ZNF423: variants seen among roughly 807,000 people sequenced by gnomAD.
ZNF423 encodes the protein Ebf-associated zinc finger protein.
ZNF423 carries 12 observed loss-of-function variants against 95.8 expected under a neutral mutation model. The ratio of observed to expected loss-of-function variants is 0.13; its 90% CI spans 0.08 to 0.20. The LOEUF is 0.20. ZNF423 is among the 10% of genes least tolerant of loss of function. ZNF423 has a pLI of 1.00. For missense variants in ZNF423, 1,316 were observed against 1,737.1 expected (o/e 0.76, Z 4.31); for synonymous variants, 749 against 711.9 (o/e 1.05, Z -0.83).
intron 3 of ZNF423, among the ~76,000 whole-genome samples, chr16:49,700,608 G>A (rs925591017): frequency 6.6e-6 from 1 of 152,262 alleles, no homozygotes; most frequent in Non-Finnish European, 1.5e-5. Context: ...GGGAGGGGAA[G>A]CAATGCTCAG....
intron 3 of ZNF423, among the ~76,000 whole-genome samples, chr16:49,660,834 G>A (rs558381396): frequency 9.9e-5 from 15 of 151,654 alleles, no homozygotes; most frequent in Admixed American, 2.6e-4. Flanking sequence ...GGCAGGGTGT[G>A]GGGGGATGGG....
At chr16:49,533,242 A>G (rs976691102) in intron 5 of ZNF423, among the ~76,000 whole-genome samples, 5 of 152,172 alleles carry the variant, frequency 3.3e-5, no homozygotes, top group Admixed American at 2.6e-4. Context: ...GCCAGGTGGA[A>G]GTTCATCACT....
chr16:49,608,294 C>T (rs1012383186), intron 5 of ZNF423, among the ~76,000 whole-genome samples: 1 of 152,092 alleles, frequency 6.6e-6, no homozygotes, highest in African/African-American at 2.4e-5. Context: ...CACCAACAGG[C>T]GAGTCAGAAG....
At chr16:49,587,415 AAG>A (rs1346541384) in intron 5 of ZNF423, among the ~76,000 whole-genome samples, 1 of 152,160 alleles carries the variant, frequency 6.6e-6, no homozygotes, top group Non-Finnish European at 1.5e-5. Context: ...GGCAGGTGGG[AAG>A]AGTGAGGCTA....
At position 49,789,050 on chromosome 16, in the gene ZNF423, G is replaced by A. The variant is rs368642115; in HGVS notation, c.100+437C>T. On this transcript the variant is annotated intron_variant, in intron 2 of 7. Coordinates refer to ENST00000563137, the MANE Select transcript of ZNF423 (RefSeq NM_001379286.1). ...CTCTATTACCTCTCCCTGGAGGCAT[G>A]AGCTCAGCTCTGCCAGCCCTGAGAA... 9.2e-5 allele frequency among the ~76,000 whole-genome samples: 14 copies of A among 152,332 alleles called. 1 individual carries two copies. The highest frequency in any genetic ancestry group is 3.1e-4 in the African/African-American group (13 of 41,588).
intron 3 of ZNF423, among the ~76,000 whole-genome samples, chr16:49,703,634 T>C (rs1049108999): frequency 3.3e-5 from 5 of 152,176 alleles, no homozygotes; most frequent in Non-Finnish European, 5.9e-5. Flanking sequence ...GGACAAAGGC[T>C]CCAGAGAGGC....
chr16:49,723,442 C>T (rs1355036925), intron 3 of ZNF423, among the ~76,000 whole-genome samples: 5 of 152,120 alleles, frequency 3.3e-5, no homozygotes, highest in Admixed American at 6.5e-5. Flanking sequence ...GATTTATTGG[C>T]TATTTTCTTA....
chr16:49,853,084 T>C (rs1011558640), intron 1 of ZNF423, among the ~76,000 whole-genome samples: 1 of 152,162 alleles, frequency 6.6e-6, no homozygotes, highest in Non-Finnish European at 1.5e-5. Context: ...AGCAGAATGC[T>C]CGGGGCCGGG....
intron 3 of ZNF423, among the ~76,000 whole-genome samples, chr16:49,660,887 GA>G (rs1434424636): frequency 6.6e-6 from 1 of 152,084 alleles, no homozygotes; most frequent in African/African-American, 2.4e-5. Flanking sequence ...CAAATGGATA[GA>G]TTTAATAAGA....
intron 2 of ZNF423, among the ~76,000 whole-genome samples, chr16:49,777,774 G>A (rs915895272): frequency 3.3e-5 from 5 of 152,186 alleles, no homozygotes; most frequent in South Asian, 2.1e-4. Context: ...TCTGTGAGAC[G>A]GGAATGCTAA....
At chr16:49,815,900 ATATATATATATATAT>A (rs2034840910) in intron 1 of ZNF423, among the ~76,000 whole-genome samples, 5 of 46,030 alleles carry the variant, frequency 1.1e-4, no homozygotes, top group African/African-American at 2.7e-4. Context: ...ATATATATAT[ATATATATATATATAT>A]TTTTTTTTTT....
chr16:49,753,612 A>C (rs1199563561), intron 2 of ZNF423, among the ~76,000 whole-genome samples: 1 of 152,010 alleles, frequency 6.6e-6, no homozygotes, highest in Admixed American at 6.6e-5. Flanking sequence ...AAAAAAAAAA[A>C]AAAAACAATA....
At chr16:49,793,202 C>T (rs536969622) in intron 1 of ZNF423, among the ~76,000 whole-genome samples, 10 of 104,522 alleles carry the variant, frequency 9.6e-5, no homozygotes, top group Non-Finnish European at 1.2e-4. Context: ...GGATCTCCAG[C>T]AATGGCATCA....
intron 5 of ZNF423, among the ~76,000 whole-genome samples, chr16:49,573,094 A>G (rs191436035): frequency 6.6e-6 from 1 of 152,294 alleles, no homozygotes; most frequent in East Asian, 1.9e-4. Flanking sequence ...TTGGATGGAT[A>G]TATGAACATG....
At chr16:49,723,958 T>C (rs1019152801) in intron 3 of ZNF423, among the ~76,000 whole-genome samples, 6 of 152,258 alleles carry the variant, frequency 3.9e-5, no homozygotes, top group Admixed American at 6.5e-5. Context: ...CCCCACTCCC[T>C]GTTCCTTTTC....
chr16:49,737,086 C>T (rs997968601), intron 2 of ZNF423, among the ~76,000 whole-genome samples: 4 of 151,790 alleles, frequency 2.6e-5, no homozygotes, highest in African/African-American at 9.7e-5. Context: ...TGCCCCATTT[C>T]GATGAGGACA....
chr16:49,664,083 C>A (rs1284767723), intron 3 of ZNF423: 23 of 985,538 alleles, frequency 2.3e-5, no homozygotes, highest in Middle Eastern at 5.2e-4. Flanking sequence ...TCCCATGCCT[C>A]CGCTTACCTT....
At chr16:49,812,717 C>A (rs2034773424) in intron 1 of ZNF423, among the ~76,000 whole-genome samples, 1 of 152,214 alleles carries the variant, frequency 6.6e-6, no homozygotes, top group African/African-American at 2.4e-5. Context: ...AGTCCTGAAG[C>A]AGTACTGAAG....
intron 1 of ZNF423, among the ~76,000 whole-genome samples, chr16:49,792,827 A>G (rs1261395971): frequency 1.3e-5 from 2 of 152,212 alleles, no homozygotes; most frequent in Non-Finnish European, 2.9e-5. Flanking sequence ...TGGTGCGATC[A>G]TAGCTCACTT....
Sources: gnomAD v4.1 joint callset for allele counts (sites outside exome capture counted in the v4.1 genomes callset) on GRCh38, gnomAD v4.1.1 for gene constraint, MANE v1.5 for transcripts, NCBI Gene and HGNC (gene_info 2026-07-23, HGNC 2026-07-21) for gene names.